The following BCAT1 variants were observed in gnomAD, a reference collection of about 807,000 sequenced individuals.
BCAT1 encodes branched-chain-amino-acid aminotransferase, cytosolic.
BCAT1 carries 48 observed loss-of-function variants against 52.4 expected under a neutral mutation model. That is an observed-to-expected ratio of 0.92 (90% CI 0.73 to 1.16). BCAT1 has a LOEUF of 1.16. Ranked by LOEUF, BCAT1 falls within the 50% of genes most tolerant of loss-of-function variation. The pLI is 0.00. For missense variants in BCAT1, 451 were observed against 457.1 expected (o/e 0.99, Z 0.12); for synonymous variants, 167 against 161.3 (o/e 1.04, Z -0.27).
intron 8 of BCAT1, 28 bp downstream of exon 8, chr12:24,836,483 A>C (rs1274053345): frequency 6.4e-7 from 1 of 1,574,392 alleles, no homozygotes; most frequent in East Asian, 2.2e-5. Context: ...TCAGGCTTAC[A>C]AAAGTTGTTC....
intron 2 of BCAT1, among the ~76,000 whole-genome samples, chr12:24,896,077 C>G (rs1942953734): frequency 6.6e-6 from 1 of 152,064 alleles, no homozygotes. Context: ...TGGTCTCGAA[C>G]TCCTGGGCTT....
chr12:24,843,489 G>C (rs1328986341), intron 6 of BCAT1, among the ~76,000 whole-genome samples: 2 of 152,136 alleles, frequency 1.3e-5, no homozygotes, highest in African/African-American at 4.8e-5. Flanking sequence ...TATAATCTCA[G>C]CTGCTAGGGA....
At chr12:24,894,989 G>C (rs562499175) in intron 2 of BCAT1, among the ~76,000 whole-genome samples, 2 of 152,290 alleles carry the variant, frequency 1.3e-5, no homozygotes, top group Non-Finnish European at 2.9e-5. Context: ...GAAGAAATGA[G>C]CAAAGTGAAG....
At chr12:24,874,871 T>G (rs1311003863) in intron 5 of BCAT1, among the ~76,000 whole-genome samples, 1 of 152,176 alleles carries the variant, frequency 6.6e-6, no homozygotes, top group East Asian at 1.9e-4. Flanking sequence ...CTATAAAACC[T>G]AATACAGTAG....
rs1338233072 is a variant in BCAT1 at position 24,887,346 on chromosome 12, GT to G, written c.280-5936del. On this transcript the variant is annotated intron_variant, in intron 3 of 10. Transcript: ENST00000261192. ...CCCAGGCCCCACAAATGTTAGGTTG[GT>G]CCTTCCTGGTTAGATCTTACATAAT... Among the ~76,000 whole-genome samples the G allele has an allele frequency of 2.0e-5, 3 of 151,824 alleles. No homozygotes were observed. The East Asian group carries it at 5.8e-4, about 29-fold the overall frequency.
chr12:24,894,269 A>G lies in BCAT1; in HGVS notation c.279+6T>C, dbSNP rs1280033610. On this transcript the variant is annotated splice_donor_region_variant and intron_variant, in intron 3 of 10. Coordinates refer to ENST00000261192, the MANE Select transcript of BCAT1 (RefSeq NM_005504.7). ...ATGTCACTCTCTTTAATTCCCATGTACTTACTTCCACTGCATAGTGCAAAG... is the reference window on the plus strand; with the variant it reads ...ATGTCACTCTCTTTAATTCCCATGTGCTTACTTCCACTGCATAGTGCAAAG... 1 of 1,613,472 alleles carries G rather than the reference A, an allele frequency of 6.2e-7. No individual in the cohort carries two copies. The highest frequency in any genetic ancestry group is 1.1e-5 in the South Asian group (1 of 91,030).
chr12:24,901,820 A>C lies in BCAT1; in HGVS notation c.72T>G (p.Thr24=). 1 of 1,613,936 alleles carries C rather than the reference A, an allele frequency of 6.2e-7. No individual in the cohort carries two copies. The highest frequency in any genetic ancestry group is 1.7e-5 in the Admixed American group (1 of 60,012). The part of the protein sequence containing the change: ...GEGGSKEVVG[T]FKAKDLIVTP... ...CCTCTGGCAAGCAACTTACCTTAAA[A>C]GTCCCCACCACCTCTTTTGATCCTC... is the stretch of plus-strand genomic sequence containing the variant. The change falls in exon 2 of 11, where the codon ACT becomes ACG. Residue 24 remains threonine (T), a synonymous_variant. Transcript: ENST00000261192.
intron 6 of BCAT1, among the ~76,000 whole-genome samples, chr12:24,842,556 A>G (rs955141008): frequency 2.5e-4 from 38 of 152,196 alleles, no homozygotes; most frequent in Non-Finnish European, 1.0e-4. Context: ...GCAATTTTAC[A>G]TGAATTATTT....
chr12:24,948,778 T>C, intron 1 of BCAT1, 149 bp downstream of exon 1: 1 of 857,214 alleles, frequency 1.2e-6, no homozygotes, highest in Non-Finnish European at 1.8e-6. Context: ...CTACGATTGA[T>C]AAAGAAGATA....
intron 1 of BCAT1, among the ~76,000 whole-genome samples, chr12:24,941,181 T>C (rs1943842226): frequency 6.6e-6 from 1 of 152,204 alleles, no homozygotes; most frequent in Non-Finnish European, 1.5e-5. Context: ...CAGTTTATAT[T>C]CCTATGTAGC....
intron 7 of BCAT1, among the ~76,000 whole-genome samples, chr12:24,836,942 GAAAGAAAGAAAGAAAAGAGAA>G (rs1940981048): frequency 9.3e-6 from 1 of 107,736 alleles, no homozygotes; most frequent in Non-Finnish European, 2.1e-5. Flanking sequence ...AAGAAAGAAA[GAAAGAAAGAAAGAAAAGAGAA>G]AGAAAGAAAG....
intron 1 of BCAT1, among the ~76,000 whole-genome samples, chr12:24,924,101 T>TC (rs397935876): frequency 1.3e-5 from 2 of 152,254 alleles, no homozygotes; most frequent in African/African-American, 4.8e-5. Flanking sequence ...TCCCTTTTTT[T>TC]CCCCTCAGCT....
At chr12:24,898,519 A>AC (rs1943012133) in intron 2 of BCAT1, among the ~76,000 whole-genome samples, 1 of 24,048 alleles carries the variant, frequency 4.2e-5, no homozygotes, top group Admixed American at 5.5e-4. Flanking sequence ...TTCAGTCAAC[A>AC]CTTTTTTTTT....
intron 1 of BCAT1, among the ~76,000 whole-genome samples, chr12:24,928,217 G>A (rs765620156): frequency 8.5e-5 from 13 of 152,152 alleles, no homozygotes; most frequent in African/African-American, 2.9e-4. Context: ...TCTTCTCATC[G>A]TTCTAGTTCT....
intron 1 of BCAT1, among the ~76,000 whole-genome samples, chr12:24,946,288 A>G (rs905041673): frequency 6.6e-6 from 1 of 152,254 alleles, no homozygotes; most frequent in African/African-American, 2.4e-5. Flanking sequence ...AATAAGGAAC[A>G]AAATATATAA....
chr12:24,926,359 C>T, intron 1 of BCAT1, among the ~76,000 whole-genome samples: 1 of 151,570 alleles, frequency 6.6e-6, no homozygotes, highest in East Asian at 2.0e-4. Flanking sequence ...GCCTGGCCAG[C>T]CGCCCCGTCC....
intron 1 of BCAT1, among the ~76,000 whole-genome samples, chr12:24,909,094 G>A (rs554454758): frequency 1.4e-4 from 21 of 151,812 alleles, no homozygotes; most frequent in African/African-American, 3.6e-4. Flanking sequence ...CTTGGATTAC[G>A]GTATACTGAT....
At chr12:24,900,657 C>G (rs1280128031) in intron 2 of BCAT1, among the ~76,000 whole-genome samples, 1 of 152,166 alleles carries the variant, frequency 6.6e-6, no homozygotes, top group Non-Finnish European at 1.5e-5. Flanking sequence ...AAGAATTCTT[C>G]AGGCTAGGCT....
chr12:24,904,088 G>A (rs1943184470), intron 1 of BCAT1: 1 of 152,310 alleles, frequency 6.6e-6, no homozygotes, highest in South Asian at 2.1e-4. Context: ...GCACAGAAAG[G>A]CCTCTTACGC....
Sources: gnomAD v4.1 joint callset for allele counts (sites outside exome capture counted in the v4.1 genomes callset) on GRCh38, gnomAD v4.1.1 for gene constraint, MANE v1.5 for transcripts, NCBI Gene and HGNC (gene_info 2026-07-23, HGNC 2026-07-21) for gene names.